CSMD2: variants seen among roughly 807,000 people sequenced by gnomAD.
CSMD2 encodes the protein CUB and Sushi multiple domains 2.
A neutral mutation model predicts 398.5 loss-of-function variants in CSMD2; 130 were observed. The observed-to-expected ratio is 0.33, with a 90% CI of 0.28 to 0.38. The LOEUF is 0.38. CSMD2 is among the 10% of genes least tolerant of loss of function. The probability of loss-of-function intolerance (pLI) is 1.00; values close to 1 mark genes in which losing one functional copy is unlikely to be tolerated. For missense variants in CSMD2, 3,829 were observed against 4,764.9 expected (o/e 0.80, Z 5.78); for synonymous variants, 1,828 against 1,908.5 (o/e 0.96, Z 1.10).
intron 24 of CSMD2, 142 bp from the exon 25 acceptor site, chr1:33,693,198 G>T: frequency 3.2e-6 from 3 of 948,752 alleles, no homozygotes; most frequent in Non-Finnish European, 4.5e-6. Flanking sequence ...ATATTAAAAG[G>T]TCTCTGGATG....
chr1:34,072,626 G>A (rs562811108), intron 2 of CSMD2, among the ~76,000 whole-genome samples: 12 of 152,292 alleles, frequency 7.9e-5, no homozygotes, highest in Non-Finnish European at 1.5e-4. Context: ...CTGGCTCCAG[G>A]GGGTGTTAAA....
Position 33,571,594 on chromosome 1 carries a change from C to A in CSMD2, c.7895G>T (p.Arg2632Met). The change falls in exon 51 of 71, where the codon AGG becomes ATG. Residue 2632 changes from arginine (R) to methionine (M), a missense_variant. Arg to Met is a moderately conservative substitution (Grantham distance 91). Transcript: ENST00000373381. The stretch of plus-strand genomic sequence containing the variant: ...GCCATTGGCCTGACAGCGGATGACC[C>A]TTTGGCCAGTATAGTAGTAGCCAGG... Reference protein sequence around the residue: ...CDPGYYYTGQRVIRCQANGKW... With the variant: ...CDPGYYYTGQMVIRCQANGKW... The A allele has an allele frequency of 6.4e-7, 1 of 1,570,932 alleles. No homozygotes were observed. Among genetic ancestry groups the A allele is most frequent in the Non-Finnish European group, 8.7e-7 (1 of 1,151,250 alleles).
intron 24 of CSMD2, among the ~76,000 whole-genome samples, chr1:33,693,775 C>T (rs370142479): frequency 1.6e-4 from 25 of 152,116 alleles, no homozygotes; most frequent in East Asian, 3.8e-4. Flanking sequence ...GGAATCAAGG[C>T]GGCCGGGCAT....
At chr1:33,582,199 G>C (rs1638773822) in intron 47 of CSMD2, among the ~76,000 whole-genome samples, 1 of 152,168 alleles carries the variant, frequency 6.6e-6, no homozygotes, top group Non-Finnish European at 1.5e-5. Context: ...CAGAGGCCAG[G>C]TGGAATTACT....
chr1:33,989,024 A>C (rs1162700371), intron 3 of CSMD2, among the ~76,000 whole-genome samples: 1 of 6,772 alleles, frequency 1.5e-4, no homozygotes, highest in African/African-American at 5.9e-4. Context: ...ATATATATAT[A>C]TATATATATA....
intron 42 of CSMD2, among the ~76,000 whole-genome samples, chr1:33,604,405 A>C (rs1640443497): frequency 6.6e-6 from 1 of 152,204 alleles, no homozygotes; most frequent in African/African-American, 2.4e-5. Flanking sequence ...TCGAGAGTTA[A>C]ACTGAGAGTT....
At chr1:33,792,336 T>A (rs1175000492) in intron 11 of CSMD2, 87 bp downstream of exon 11, 1 of 860,894 alleles carries the variant, frequency 1.2e-6, no homozygotes, top group African/African-American at 1.6e-5. Flanking sequence ...TAGTATGGTC[T>A]AGGGACCAGG....
At chr1:34,099,890 G>T (rs936986952) in intron 1 of CSMD2, among the ~76,000 whole-genome samples, 2 of 152,214 alleles carry the variant, frequency 1.3e-5, no homozygotes, top group Non-Finnish European at 2.9e-5. Flanking sequence ...AGCAAAGGCA[G>T]GTGGGAGGAT....
At chr1:33,894,593 T>C (rs539067556) in intron 5 of CSMD2, among the ~76,000 whole-genome samples, 1 of 152,300 alleles carries the variant, frequency 6.6e-6, no homozygotes, top group South Asian at 2.1e-4. Context: ...CAGACCCCCA[T>C]TGTGGTAGCT....
At chr1:34,074,126 C>T (rs1160486017) in intron 2 of CSMD2, among the ~76,000 whole-genome samples, 1 of 152,146 alleles carries the variant, frequency 6.6e-6, no homozygotes, top group African/African-American at 2.4e-5. Flanking sequence ...CCCACCAGGC[C>T]CCACCTCCCA....
chr1:33,587,107 C>A lies in CSMD2; in HGVS notation c.6918G>T (p.Glu2306Asp). 6.2e-7 allele frequency: 1 copy of A among 1,607,806 alleles called. No individual in the cohort carries two copies. The highest frequency in any genetic ancestry group is 8.5e-7 in the Non-Finnish European group (1 of 1,177,402). Residue 2306 changes from glutamate (E) to aspartate (D), a missense_variant, in exon 45 of 71, where the codon GAG becomes GAT. Glu to Asp is a conservative substitution (Grantham distance 45). This residue lies in a region of CSMD2 where 723 missense variants were observed against 758.6 expected (regional missense o/e 0.95). Coordinates refer to ENST00000373381, the MANE Select transcript of CSMD2 (RefSeq NM_001281956.2). ...TILPNAEVVT[E>D]NEEFNIGDIV... ...TGGTACCTATATTGAATTCTTCATT[C>A]TCTGTGACGACTTCGGCGTTGGGGA...
At chr1:33,593,519 A>G (rs1041940210) in intron 44 of CSMD2, among the ~76,000 whole-genome samples, 2 of 152,144 alleles carry the variant, frequency 1.3e-5, no homozygotes, top group African/African-American at 4.8e-5. Flanking sequence ...TTGTGCAGGG[A>G]AACTCCCATT....
intron 44 of CSMD2, among the ~76,000 whole-genome samples, chr1:33,594,466 C>T (rs1217803639): frequency 6.6e-6 from 1 of 152,196 alleles, no homozygotes; most frequent in Non-Finnish European, 1.5e-5. Flanking sequence ...TCCCCTACTC[C>T]TCACCCTTAC....
chr1:33,522,929 TGAG>T (rs1474318292), intron 67 of CSMD2, among the ~76,000 whole-genome samples: 1 of 152,180 alleles, frequency 6.6e-6, no homozygotes, highest in Non-Finnish European at 1.5e-5. Flanking sequence ...TCCTCAAGTG[TGAG>T]GAGAAGTTCA....
At chr1:34,059,903 T>C (rs1354502603) in intron 2 of CSMD2, among the ~76,000 whole-genome samples, 2 of 152,188 alleles carry the variant, frequency 1.3e-5, no homozygotes, top group African/African-American at 4.8e-5. Flanking sequence ...TGGTCCCATC[T>C]CATCTGTGTT....
chr1:33,851,728 G>C lies in CSMD2; in HGVS notation c.921-4732C>G, dbSNP rs185874271. 1.5e-4 allele frequency among the ~76,000 whole-genome samples: 23 copies of C among 152,252 alleles called. No homozygotes were observed. The East Asian group carries it at 4.1e-3, about 27-fold the overall frequency. ...CCTTGACACCCATTCTTATCAAAAT[G>C]CTTTCCAAAATCAGTTTTCCTTTAG... On this transcript the variant is annotated intron_variant, in intron 5 of 70. Transcript: ENST00000373381.
At chr1:34,066,522 G>A (rs1250287615) in intron 2 of CSMD2, among the ~76,000 whole-genome samples, 1 of 152,158 alleles carries the variant, frequency 6.6e-6, no homozygotes, top group East Asian at 1.9e-4. Flanking sequence ...TAGTAGAGGG[G>A]GGATGCCATG....
intron 25 of CSMD2, among the ~76,000 whole-genome samples, chr1:33,689,917 G>T (rs1645179640): frequency 6.6e-6 from 1 of 152,150 alleles, no homozygotes; most frequent in East Asian, 1.9e-4. Flanking sequence ...TTGGTGTATT[G>T]TTGTCACAAA....
At chr1:33,626,000 G>A (rs1246836371) in intron 33 of CSMD2, among the ~76,000 whole-genome samples, 2 of 152,206 alleles carry the variant, frequency 1.3e-5, no homozygotes, top group Non-Finnish European at 2.9e-5. Context: ...GTGATTGCCC[G>A]CTCCTTACAG....
Sources: allele counts gnomAD v4.1 joint callset (sites outside exome capture counted in the v4.1 genomes callset), GRCh38; gene constraint gnomAD v4.1.1; regional missense constraint gnomAD v4.1.1; transcripts MANE v1.5; gene names NCBI Gene and HGNC (gene_info 2026-07-23, HGNC 2026-07-21).